APOBR: variants seen among roughly 807,000 people sequenced by gnomAD.
The protein encoded by APOBR is apoB-48R.
A neutral mutation model predicts 88.5 loss-of-function variants in APOBR; 57 were observed. The observed-to-expected ratio is 0.64, with a 90% CI of 0.52 to 0.80. The LOEUF (loss-of-function observed/expected upper bound fraction) is 0.80, where lower values mean the gene tolerates loss of function less well. Ranked by LOEUF, APOBR falls within the 30% of genes least tolerant of loss-of-function variation. The pLI is 0.00. For synonymous variants in APOBR, 588 were observed against 572.7 expected, an observed-to-expected ratio of 1.03 and a Z score of -0.38; for missense variants, 1,443 against 1,401.6, an observed-to-expected ratio of 1.03 and a Z score of -0.47.
Position 28,496,325 on chromosome 16 carries a change from C to G in APOBR, c.1284C>G (p.Pro428=), listed in dbSNP as rs2046392694. The G allele has an allele frequency of 6.3e-7, 1 of 1,584,852 alleles. No individual in the cohort carries two copies. Among genetic ancestry groups the G allele is most frequent in the African/African-American group, 1.4e-5 (1 of 73,914 alleles). ...EAEVSPFPKQ[P]QVLGTERTEE... ...AGGTGAGCCCTTTCCCCAAACAGCCCCAGGTCCTGGGCACTGAAAGAACAG... is the reference window on the plus strand; with the variant it reads ...AGGTGAGCCCTTTCCCCAAACAGCCGCAGGTCCTGGGCACTGAAAGAACAG... The change falls in exon 2 of 4, where the codon CCC becomes CCG. Residue 428 remains proline (P), a synonymous_variant. Coordinates refer to ENST00000564831, the MANE Select transcript of APOBR (RefSeq NM_018690.4).
At position 28,496,844 on chromosome 16, in the gene APOBR, C is replaced by G. The variant is rs574177678; in HGVS notation, c.1803C>G (p.Ser601Arg). The change falls in exon 2 of 4, where the codon AGC becomes AGG. Residue 601 changes from serine (S) to arginine (R), a missense_variant. Coordinates refer to ENST00000564831, the MANE Select transcript of APOBR (RefSeq NM_018690.4). ...TGAGCAAAGAGGAGCAGGAGAGGAGCCTGGAGGCAGGTCCCAGGCACGCGG... is the reference window on the plus strand; with the variant it reads ...TGAGCAAAGAGGAGCAGGAGAGGAGGCTGGAGGCAGGTCCCAGGCACGCGG... ...LALSKEEQER[S>R]LEAGPRHAGS... 1.3e-6 allele frequency: 2 copies of G among 1,559,436 alleles called. No homozygotes were observed. Among genetic ancestry groups the G allele is most frequent in the Admixed American group, 1.9e-5 (1 of 51,468 alleles).
Position 28,498,533 on chromosome 16 carries a change from C to A in APOBR, c.*28C>A, listed in dbSNP as rs2046411498. ...GAGACCCGGTGCTCTGGGAGCCAGG[C>A]CCTGAGTGGGTGCCAGAAGGCTTGC... On this transcript the variant is annotated 3_prime_UTR_variant, in exon 4 of 4. Transcript: ENST00000564831. 6.4e-7 allele frequency: 1 copy of A among 1,565,960 alleles called. No homozygotes were observed. Among genetic ancestry groups the A allele is most frequent in the African/African-American group, 1.4e-5 (1 of 73,920 alleles).
rs1034922850 is a variant in APOBR, at chr16:28,498,079, A to C, written c.2956-2A>C. The stretch of plus-strand genomic sequence containing the variant: ...TGGTCCTCTGTGCCCCCTTTCCTGC[A>C]GGCCCCGCTCCCCGGGTCCCTCCTA... On this transcript the variant is annotated splice_acceptor_variant, in intron 2 of 3. Coordinates refer to ENST00000564831, the MANE Select transcript of APOBR (RefSeq NM_018690.4). LOFTEE classifies it high-confidence loss of function. 5.2e-6 allele frequency: 8 copies of C among 1,544,180 alleles called. No individual in the cohort carries two copies. Among genetic ancestry groups the C allele is most frequent in the Non-Finnish European group, 6.9e-6 (8 of 1,151,308 alleles).
In APOBR at chr16:28,498,093, G is replaced by C; in HGVS notation, c.2968G>C (p.Gly990Arg). The change falls in exon 3 of 4, where the codon GGG (glycine) becomes CGG (arginine). Residue 990 changes from glycine (G) to arginine (R), a missense_variant. Transcript: ENST00000564831. ...CCCTTTCCTGCAGGCCCCGCTCCCCGGGTCCCTCCTAGACGTCTCTGTCCC... is the reference window on the plus strand; with the variant it reads ...CCCTTTCCTGCAGGCCCCGCTCCCCCGGTCCCTCCTAGACGTCTCTGTCCC... ...ANSWSEAPLPGSLLDVSVPRS... is the reference protein window; with the variant it reads ...ANSWSEAPLPRSLLDVSVPRS... 1 of 1,555,102 alleles carries C rather than the reference G, an allele frequency of 6.4e-7. No individual in the cohort carries two copies. Among genetic ancestry groups the C allele is most frequent in the Non-Finnish European group, 8.7e-7 (1 of 1,156,062 alleles).
At position 28,496,348 on chromosome 16, in the gene APOBR, C is replaced by T. The variant is rs1373757294; in HGVS notation, c.1307C>T (p.Thr436Ile). 1.3e-6 allele frequency: 2 copies of T among 1,591,148 alleles called. No individual in the cohort carries two copies. The highest frequency in any genetic ancestry group is 1.7e-6 in the Non-Finnish European group (2 of 1,169,550). ...KQPQVLGTERTEEAAESQTAG... is the reference protein window; with the variant it reads ...KQPQVLGTERIEEAAESQTAG... ...CCCCAGGTCCTGGGCACTGAAAGAA[C>T]AGAAGAGGCTGCTGAGAGCCAGACC... The change falls in exon 2 of 4, where the codon ACA becomes ATA. Residue 436 changes from threonine to isoleucine, a missense_variant. Thr to Ile is a moderately conservative substitution (Grantham distance 89). Transcript: ENST00000564831.
In APOBR at chr16:28,496,796, G is replaced by A. The variant is rs1288453073; in HGVS notation, c.1755G>A (p.Val585=). The A allele has an allele frequency of 6.4e-6, 10 of 1,565,914 alleles. No individual in the cohort carries two copies. The highest frequency in any genetic ancestry group is 2.4e-5 in the East Asian group (1 of 42,372). ...KQPEEREAGE[V]ELMGVLALSK... ...CCGAGGAAAGGGAGGCAGGGGAGGT[G>A]GAGCTCATGGGAGTTCTGGCCCTGA... is the stretch of plus-strand genomic sequence containing the variant. Residue 585 remains valine (V), a synonymous_variant, in exon 2 of 4, where the codon GTG becomes GTA. Coordinates refer to ENST00000564831, the MANE Select transcript of APOBR (RefSeq NM_018690.4).
At position 28,496,381 on chromosome 16, in the gene APOBR, G is replaced by A. The variant is rs757789858; in HGVS notation, c.1340G>A (p.Arg447Lys). 2.5e-6 allele frequency: 4 copies of A among 1,607,072 alleles called. No individual in the cohort carries two copies. Among genetic ancestry groups the A allele is most frequent in the African/African-American group, 1.3e-5 (1 of 74,766 alleles). Residue 447 changes from arginine to lysine, a missense_variant, in exon 2 of 4, where the codon AGG becomes AAG. Transcript: ENST00000564831. ...GCTGCTGAGAGCCAGACCGCAGGGA[G>A]GGAAGCTGTGGGAGGCCAGGAGGCA... Reference protein sequence around the residue: ...EEAAESQTAGREAVGGQEAGE... With the variant: ...EEAAESQTAGKEAVGGQEAGE...
Position 28,497,732 on chromosome 16 carries a change from G to A in APOBR, c.2691G>A (p.Arg897=), listed in dbSNP as rs1194057899. The A allele has an allele frequency of 6.2e-7, 1 of 1,605,180 alleles. No homozygotes were observed. Among genetic ancestry groups the A allele is most frequent in the South Asian group, 1.1e-5 (1 of 89,642 alleles). Reference sequence around the variant, plus strand: ...TTGGATGGCAGGAGAGAGAACAGAGGGAAGACAGTGAGGGGCGGTGTGGGG... The same window carrying A: ...TTGGATGGCAGGAGAGAGAACAGAGAGAAGACAGTGAGGGGCGGTGTGGGG... ...EAVGWQEREQ[R]EDSEGRCGDY... is the part of the protein sequence containing the mutation. The change falls in exon 2 of 4, where the codon AGG becomes AGA. Residue 897 remains arginine, a synonymous_variant. Transcript: ENST00000564831.
chr16:28,495,718 AG>A lies in APOBR; in HGVS notation c.682del (p.Val228SerfsTer24), dbSNP rs2046385210. ...GCAGGGGACAACCGGGAGATGGAGC[AG>A]GGGGTCAGGGAGGCAGATGCAGGGG... is the stretch of plus-strand genomic sequence containing the variant. ...KAAGDNREME[Q>X]GVREADAGET... On this transcript the variant is annotated frameshift_variant, in exon 2 of 4. Transcript: ENST00000564831. LOFTEE classifies it high-confidence loss of function. 3.9e-6 allele frequency: 6 copies of A among 1,530,048 alleles called. No homozygotes were observed. The South Asian group carries it at 7.4e-5, about 19-fold the overall frequency. 94.8% of individuals were successfully genotyped at this position (1,530,048 alleles called of 1,614,324 possible).
Position 28,497,837 on chromosome 16 carries a change from C to G in APOBR, c.2796C>G (p.Ala932=), listed in dbSNP as rs1243093431. The change falls in exon 2 of 4, where the codon GCC becomes GCG. Residue 932 remains alanine, a synonymous_variant. Transcript: ENST00000564831. ...LMVTGGRRAE[A]KETEPESLEH... is the part of the protein sequence containing the mutation. ...TGACCGGGGGCCGGAGGGCAGAGGC[C>G]AAGGAGACTGAGCCAGAAAGCCTGG... 4 of 1,609,738 alleles carry G rather than the reference C, an allele frequency of 2.5e-6. No homozygotes were observed. The highest frequency in any genetic ancestry group is 2.5e-6 in the Non-Finnish European group (3 of 1,178,274).
chr16:28,495,838 G>A lies in APOBR; in HGVS notation c.797G>A (p.Trp266Ter). 1 of 1,608,692 alleles carries A rather than the reference G, an allele frequency of 6.2e-7. No homozygotes were observed. Among genetic ancestry groups the A allele is most frequent in the Non-Finnish European group, 8.5e-7 (1 of 1,177,832 alleles). ...GAAAGCACTAGGGCATGGGGGACGT[G>A]GGGCCCAGGGGCAGAGCCTGAGGAC... The part of the protein sequence containing the change: ...ACESTRAWGT[W>*]GPGAEPEDWG... Residue 266 changes from tryptophan (W) to a stop codon, truncating the protein, a stop_gained, in exon 2 of 4, where the codon TGG becomes TAG. Transcript: ENST00000564831. LOFTEE classifies it high-confidence loss of function.
Position 28,497,505 on chromosome 16 carries a change from A to C in APOBR, c.2464A>C (p.Arg822=). Residue 822 remains arginine (R), a synonymous_variant, in exon 2 of 4, where the codon AGA becomes CGA. Transcript: ENST00000564831. Reference sequence around the variant, plus strand: ...CTCAGCAGAGGAAGAGGTGACTGGCAGAGGCAGCCAAGTAGAGGCTTTTGA... The same window carrying C: ...CTCAGCAGAGGAAGAGGTGACTGGCCGAGGCAGCCAAGTAGAGGCTTTTGA... ...EGSAEEEVTG[R]GSQVEAFESR... 1 of 1,613,072 alleles carries C rather than the reference A, an allele frequency of 6.2e-7. No homozygotes were observed. The highest frequency in any genetic ancestry group is 8.5e-7 in the Non-Finnish European group (1 of 1,179,478).
At position 28,495,597 on chromosome 16, in the gene APOBR, A is replaced by G; in HGVS notation, c.556A>G (p.Arg186Gly). The change falls in exon 2 of 4, where the codon AGG becomes GGG. Residue 186 changes from arginine to glycine, a missense_variant. Coordinates refer to ENST00000564831, the MANE Select transcript of APOBR (RefSeq NM_018690.4). ...WEQEEEEEEV[R>G]AREPGMARGA... Reference sequence around the variant, plus strand: ...ACAGGAGGAGGAGGAGGAAGAGGTCAGGGCAAGAGAGCCAGGGATGGCCAG... The same window carrying G: ...ACAGGAGGAGGAGGAGGAAGAGGTCGGGGCAAGAGAGCCAGGGATGGCCAG... The G allele has an allele frequency of 6.4e-7, 1 of 1,561,728 alleles. No homozygotes were observed. The highest frequency in any genetic ancestry group is 8.7e-7 in the Non-Finnish European group (1 of 1,152,756).
chr16:28,496,301 G>A lies in APOBR; in HGVS notation c.1260G>A (p.Glu420=). Residue 420 remains glutamate, a synonymous_variant, in exon 2 of 4, where the codon GAG becomes GAA. Transcript: ENST00000564831. ...EEEGDEEREA[E]VSPFPKQPQV... Reference sequence around the variant, plus strand: ...AGGGGGATGAGGAGAGAGAGGCTGAGGTGAGCCCTTTCCCCAAACAGCCCC... The same window carrying A: ...AGGGGGATGAGGAGAGAGAGGCTGAAGTGAGCCCTTTCCCCAAACAGCCCC... The A allele has an allele frequency of 6.3e-7, 1 of 1,590,818 alleles. No individual in the cohort carries two copies. The highest frequency in any genetic ancestry group is 1.3e-5 in the African/African-American group (1 of 74,224).
chr16:28,498,374 G>C, intron 3 of APOBR, 25 bp downstream of exon 3: 1 of 1,598,466 alleles, frequency 6.3e-7, no homozygotes. Context: ...ACTCAGCTGG[G>C]GTGGGGAAGA....
rs542615363 is a variant in APOBR at position 28,495,987 on chromosome 16, G to A, written c.946G>A (p.Gly316Arg). 34 of 1,605,814 alleles carry A rather than the reference G, an allele frequency of 2.1e-5. No homozygotes were observed. Among genetic ancestry groups the A allele is most frequent in the East Asian group, 9.8e-5 (4 of 40,632 alleles). The change falls in exon 2 of 4, where the codon GGG becomes AGG. Residue 316 changes from glycine to arginine, a missense_variant. Physicochemically the swap from Gly to Arg is moderately radical, Grantham distance 125. Coordinates refer to ENST00000564831, the MANE Select transcript of APOBR (RefSeq NM_018690.4). ...GGAGGAGGCTGAGACAGCCTCAGGC[G>A]GGGAGGAGGCTGAAACAGCCTCAGG... ...GGEEAETASG[G>R]EEAETASGGE...
Position 28,494,749 on chromosome 16 carries a change from C to A in APOBR, c.57+11C>A, listed in dbSNP as rs1472986869. On this transcript the variant is annotated intron_variant, in intron 1 of 3. Coordinates refer to ENST00000564831, the MANE Select transcript of APOBR (RefSeq NM_018690.4). ...TTGAGGGGGGCACTGGTGAGAAGGG[C>A]AGACAGCTGCCAGATACTTGCACCC... The A allele has an allele frequency of 6.2e-7, 1 of 1,605,274 alleles. No homozygotes were observed.
rs2046412016 is a variant in APOBR at position 28,498,629 on chromosome 16, C to T, written c.*124C>T. On this transcript the variant is annotated 3_prime_UTR_variant, in exon 4 of 4. Coordinates refer to ENST00000564831, the MANE Select transcript of APOBR (RefSeq NM_018690.4). ...CTCTCCACCCTCTGGGCCTCAGTGT[C>T]TTGATGTATCATTCATGGAGCAGGC... 1.8e-6 allele frequency: 2 copies of T among 1,114,684 alleles called. No individual in the cohort carries two copies. Among genetic ancestry groups the T allele is most frequent in the East Asian group, 5.2e-5 (2 of 38,422 alleles). 69.0% of individuals were successfully genotyped at this position (1,114,684 alleles called of 1,614,324 possible).
Position 28,495,139 on chromosome 16 carries a change from C to T in APOBR, c.98C>T (p.Ala33Val). Residue 33 changes from alanine (A) to valine (V), a missense_variant, in exon 2 of 4, where the codon GCA (alanine) becomes GTA (valine). Coordinates refer to ENST00000564831, the MANE Select transcript of APOBR (RefSeq NM_018690.4). ...TTTGTCTCCTACCTCCTGGGAGATG[C>T]AGTCCCCACTGTAGAGCGGGAGGCG... ...GTFVSYLLGD[A>V]VPTVEREAQA... 9 of 1,552,786 alleles carry T rather than the reference C, an allele frequency of 5.8e-6. No individual in the cohort carries two copies. The highest frequency in any genetic ancestry group is 1.4e-5 in the African/African-American group (1 of 72,546).
Sources: allele counts gnomAD v4.1 joint callset, GRCh38; gene constraint gnomAD v4.1.1; transcripts MANE v1.5; gene names NCBI Gene and HGNC (gene_info 2026-07-23, HGNC 2026-07-21).